RAD54L2: variants seen among roughly 807,000 people sequenced by gnomAD.
The protein encoded by RAD54L2 is helicase ARIP4.
Under a neutral mutation model 138.4 loss-of-function variants are expected in RAD54L2, and 27 were observed. The observed-to-expected ratio is 0.20, with a 90% CI of 0.14 to 0.27. RAD54L2 has a LOEUF of 0.27. RAD54L2 is among the 10% of genes least tolerant of loss of function. The pLI, the probability that RAD54L2 is intolerant of heterozygous loss-of-function variation, is 1.00. For missense variants in RAD54L2, 1,396 were observed against 1,890.2 expected (o/e 0.74, Z 4.85); for synonymous variants, 644 against 723.2 (o/e 0.89, Z 1.76).
chr3:51,655,596 G>C (rs893276091), intron 19 of RAD54L2, among the ~76,000 whole-genome samples: 1 of 152,206 alleles, frequency 6.6e-6, no homozygotes, highest in Non-Finnish European at 1.5e-5. Flanking sequence ...AACATACGCT[G>C]TGGTCTGGTG....
chr3:51,646,848 T>C (rs1399751090), intron 19 of RAD54L2, among the ~76,000 whole-genome samples: 1 of 152,148 alleles, frequency 6.6e-6, no homozygotes, highest in Non-Finnish European at 1.5e-5. Flanking sequence ...GGATGAAGGC[T>C]CTGTTCCCTT....
Position 51,639,585 on chromosome 3 carries a change from G to A in RAD54L2, c.2027G>A (p.Gly676Glu). 1 of 1,614,010 alleles carries A rather than the reference G, an allele frequency of 6.2e-7. No individual in the cohort carries two copies. Among genetic ancestry groups the A allele is most frequent in the African/African-American group, 1.3e-5 (1 of 75,056 alleles). The change falls in exon 13 of 23, where the codon GGA becomes GAA. Residue 676 changes from glycine (G) to glutamate (E), a missense_variant. Physicochemically the swap from Gly to Glu is moderately conservative, Grantham distance 98 (BLOSUM62 -2). Transcript: ENST00000684192. ...GATAGCACCTTGGCTTCCTCGATGG[G>A]AGAGGCAACCAATAGCAAGTTCCTA... ...GEDSTLASSM[G>E]EATNSKFLQG...
chr3:51,562,617 C>T (rs1275740095), intron 2 of RAD54L2, among the ~76,000 whole-genome samples: 3 of 152,222 alleles, frequency 2.0e-5, no homozygotes, highest in Non-Finnish European at 4.4e-5. Flanking sequence ...AGGTCACCCG[C>T]CTTGGCCTCC....
intron 3 of RAD54L2, among the ~76,000 whole-genome samples, chr3:51,614,351 A>G (rs897135451): frequency 2.6e-5 from 4 of 151,778 alleles, no homozygotes; most frequent in African/African-American, 9.7e-5. Flanking sequence ...TTTTGTAGAT[A>G]CAGGCTTTTG....
At chr3:51,650,112 T>TA (rs1011374170) in intron 19 of RAD54L2, among the ~76,000 whole-genome samples, 1 of 150,824 alleles carries the variant, frequency 6.6e-6, no homozygotes, top group African/African-American at 2.4e-5. Flanking sequence ...AAATGGAAAG[T>TA]AAAAAAAAGC....
At chr3:51,600,598 T>C (rs888094703) in intron 3 of RAD54L2, among the ~76,000 whole-genome samples, 2 of 151,264 alleles carry the variant, frequency 1.3e-5, no homozygotes, top group African/African-American at 4.9e-5. Flanking sequence ...GGTGACAGAG[T>C]GAGACTCTGT....
chr3:51,653,305 A>T (rs565393584), intron 19 of RAD54L2, among the ~76,000 whole-genome samples: 15 of 152,350 alleles, frequency 9.8e-5, no homozygotes, highest in Admixed American at 3.9e-4. Flanking sequence ...GAATGTGGAG[A>T]AATAGGAACA....
chr3:51,554,756 A>G lies in RAD54L2; in HGVS notation c.-55+13106A>G, dbSNP rs535101897. Reference sequence around the variant, plus strand: ...CCTTTTAAAGGTCTGACTAGGAAACATTTGCCACCTTTAAGACTTCATCTA... The same window carrying G: ...CCTTTTAAAGGTCTGACTAGGAAACGTTTGCCACCTTTAAGACTTCATCTA... On this transcript the variant is annotated intron_variant, in intron 2 of 22. Coordinates refer to ENST00000684192, the MANE Select transcript of RAD54L2 (RefSeq NM_015106.4). Among the ~76,000 whole-genome samples the G allele has an allele frequency of 1.7e-4, 26 of 152,246 alleles. No individual in the cohort carries two copies. In the South Asian group the frequency reaches 5.0e-3, roughly 29 times the overall value.
chr3:51,647,423 T>G (rs1188532460), intron 19 of RAD54L2, among the ~76,000 whole-genome samples: 1 of 152,054 alleles, frequency 6.6e-6, no homozygotes, highest in Non-Finnish European at 1.5e-5. Flanking sequence ...ATCCCAGCAA[T>G]TTGGGAGGTC....
intron 22 of RAD54L2, among the ~76,000 whole-genome samples, chr3:51,661,479 CAG>C (rs1471093737): frequency 2.0e-5 from 3 of 152,194 alleles, no homozygotes. Context: ...TGCTTTTTCA[CAG>C]AGGTGGTTAT....
At chr3:51,626,436 C>CTTTTGTTTTTT (rs1700687132) in intron 3 of RAD54L2, among the ~76,000 whole-genome samples, 1 of 39,392 alleles carries the variant, frequency 2.5e-5, no homozygotes, top group Non-Finnish European at 4.1e-5. Flanking sequence ...CCCCAACGAT[C>CTTTTGTTTTTT]TTTTTTTTTT....
chr3:51,600,937 A>T (rs2106734820), intron 3 of RAD54L2, among the ~76,000 whole-genome samples: 1 of 152,282 alleles, frequency 6.6e-6, no homozygotes, highest in East Asian at 1.9e-4. Flanking sequence ...ACTGTACTCC[A>T]GCCTCAGTGA....
chr3:51,542,121 A>G (rs1185823181), intron 2 of RAD54L2, among the ~76,000 whole-genome samples: 1 of 152,108 alleles, frequency 6.6e-6, no homozygotes, highest in African/African-American at 2.4e-5. Context: ...TTCTTGCTCA[A>G]TTTTTGACCC....
At position 51,637,783 on chromosome 3, in the gene RAD54L2, C is replaced by T. The variant is rs1372784684; in HGVS notation, c.1682+280C>T. Among the ~76,000 whole-genome samples, 3 of 152,232 alleles carry T rather than the reference C, an allele frequency of 2.0e-5. No homozygotes were observed. In the East Asian group the frequency reaches 5.8e-4, roughly 29 times the overall value. On this transcript the variant is annotated intron_variant, in intron 11 of 22. Transcript: ENST00000684192. The surrounding 1 kb of genome is among the most constrained non-coding windows in gnomAD (Gnocchi z 5.9). Reference sequence around the variant, plus strand: ...AGAGAAGCAAGAAAAAGGTACCATTCTGCTGACTTACCTTAGGCTAGTCTA... The same window carrying T: ...AGAGAAGCAAGAAAAAGGTACCATTTTGCTGACTTACCTTAGGCTAGTCTA...
intron 2 of RAD54L2, among the ~76,000 whole-genome samples, chr3:51,547,706 T>G (rs1553672604): frequency 6.6e-6 from 1 of 151,382 alleles, no homozygotes; most frequent in Non-Finnish European, 1.5e-5. Context: ...CTCAGCCTCT[T>G]GAGTAGCTAG....
chr3:51,559,167 C>T (rs566291195), intron 2 of RAD54L2, among the ~76,000 whole-genome samples: 2 of 152,180 alleles, frequency 1.3e-5, no homozygotes, highest in African/African-American at 4.8e-5. Context: ...GTATTAATGG[C>T]GTGAACCACT....
chr3:51,597,705 G>A (rs1341161933), intron 3 of RAD54L2, among the ~76,000 whole-genome samples: 1 of 152,072 alleles, frequency 6.6e-6, no homozygotes, highest in African/African-American at 2.4e-5. Context: ...GCCCATGTCT[G>A]TAGTCTCAGC....
At position 51,578,831 on chromosome 3, in the gene RAD54L2, T is replaced by C. The variant is rs182557628; in HGVS notation, c.-54-11536T>C. On this transcript the variant is annotated intron_variant, in intron 2 of 22. Coordinates refer to ENST00000684192, the MANE Select transcript of RAD54L2 (RefSeq NM_015106.4). ...GATGGCTTAAGTGTTAACAGCTCAG[T>C]GGAGGGTCCGTGTGACAGCCTCTTG... Among the ~76,000 whole-genome samples, 8 of 152,248 alleles carry C rather than the reference T, an allele frequency of 5.3e-5. No homozygotes were observed. The East Asian group carries it at 1.3e-3, about 26-fold the overall frequency.
chr3:51,600,410 T>C (rs1700055235), intron 3 of RAD54L2, among the ~76,000 whole-genome samples: 1 of 151,530 alleles, frequency 6.6e-6, no homozygotes, highest in Admixed American at 6.6e-5. Context: ...AGCCCAGGAG[T>C]TCAAGACTGG....
Sources: allele counts gnomAD v4.1 joint callset (sites outside exome capture counted in the v4.1 genomes callset), GRCh38; gene constraint gnomAD v4.1.1; non-coding constraint Gnocchi (gnomAD v3.1); transcripts MANE v1.5; gene names NCBI Gene and HGNC (gene_info 2026-07-23, HGNC 2026-07-21).